The following MEI4 variants were observed in gnomAD, a reference collection of about 807,000 sequenced individuals.
The protein encoded by MEI4 is meiosis-specific protein MEI4.
MEI4 carries 27 observed loss-of-function variants against 31.4 expected under a neutral mutation model. The observed-to-expected ratio is 0.86, with a 90% CI of 0.63 to 1.19. MEI4 has a LOEUF of 1.19. Among genes scored for constraint, MEI4 ranks in the 50% most tolerant of loss-of-function variants. The probability of loss-of-function intolerance (pLI) is 0.00; values close to 1 mark genes in which losing one functional copy is unlikely to be tolerated. For synonymous variants in MEI4, 122 were observed against 145.4 expected, an observed-to-expected ratio of 0.84 and a Z score of 1.16; for missense variants, 329 against 398.9, an observed-to-expected ratio of 0.82 and a Z score of 1.49.
At chr6:77,780,811 G>A (rs1476188823) in intron 3 of MEI4, among the ~76,000 whole-genome samples, 1 of 151,972 alleles carries the variant, frequency 6.6e-6, no homozygotes, top group African/African-American at 2.4e-5. Flanking sequence ...AGTATCTAAT[G>A]TCTCTTCTGT....
At chr6:77,811,603 C>T (rs567834870) in intron 3 of MEI4, among the ~76,000 whole-genome samples, 5 of 151,984 alleles carry the variant, frequency 3.3e-5, no homozygotes, top group East Asian at 1.9e-4. Flanking sequence ...GGTGAAACCC[C>T]GTCTCTACTA....
chr6:77,716,220 A>G (rs1476709742), intron 2 of MEI4, among the ~76,000 whole-genome samples: 1 of 152,228 alleles, frequency 6.6e-6, no homozygotes, highest in Non-Finnish European at 1.5e-5. Context: ...GGGGAATCAG[A>G]TCAGATATAG....
chr6:77,883,599 C>T (rs930298896), intron 4 of MEI4, among the ~76,000 whole-genome samples: 1 of 151,440 alleles, frequency 6.6e-6, no homozygotes, highest in Admixed American at 6.6e-5. Context: ...CCTTCAGTTC[C>T]ATCTGCAGAT....
At chr6:77,861,530 C>G (rs1770866997) in intron 4 of MEI4, among the ~76,000 whole-genome samples, 1 of 152,090 alleles carries the variant, frequency 6.6e-6, no homozygotes. Context: ...TTTAAACTTC[C>G]ATGCCACAGA....
intron 3 of MEI4, among the ~76,000 whole-genome samples, chr6:77,810,035 G>C (rs1485255123): frequency 6.6e-6 from 1 of 152,092 alleles, no homozygotes; most frequent in African/African-American, 2.4e-5. Context: ...TCAAGTATGA[G>C]ACCTATGTTG....
intron 3 of MEI4, among the ~76,000 whole-genome samples, chr6:77,762,466 C>A (rs1367351353): frequency 6.6e-6 from 1 of 151,964 alleles, no homozygotes; most frequent in Non-Finnish European, 1.5e-5. Context: ...ACATTTTAAT[C>A]CTCTTTATTT....
At chr6:77,731,651 T>A (rs940236235) in intron 2 of MEI4, among the ~76,000 whole-genome samples, 59 of 151,462 alleles carry the variant, frequency 3.9e-4, no homozygotes, top group Non-Finnish European at 2.9e-4. Flanking sequence ...CATTTGTCAA[T>A]TTTGGCTTTT....
At chr6:77,794,045 G>T (rs1383828437) in intron 3 of MEI4, among the ~76,000 whole-genome samples, 1 of 152,148 alleles carries the variant, frequency 6.6e-6, no homozygotes, top group Non-Finnish European at 1.5e-5. Context: ...CCACATGGCT[G>T]CCTACAAGGA....
At chr6:77,734,770 T>A (rs79532876) in intron 2 of MEI4, among the ~76,000 whole-genome samples, 29,879 of 151,864 alleles carry the variant, frequency 0.2, 3,276 homozygotes, top group African/African-American at 0.27. Flanking sequence ...CAGTGGCTGT[T>A]ACTGGTTGTT....
At chr6:77,881,800 G>A (rs1051558634) in intron 4 of MEI4, among the ~76,000 whole-genome samples, 18 of 152,194 alleles carry the variant, frequency 1.2e-4, no homozygotes, top group Admixed American at 9.8e-4. Context: ...TAATGAAAGT[G>A]TGAAATATAA....
At chr6:77,777,602 A>G (rs1224431445) in intron 3 of MEI4, among the ~76,000 whole-genome samples, 2 of 152,220 alleles carry the variant, frequency 1.3e-5, no homozygotes, top group Non-Finnish European at 2.9e-5. Flanking sequence ...AAATCATCCT[A>G]CACTAAAGCT....
chr6:77,833,197 A>G lies in MEI4; in HGVS notation c.900+4135A>G, dbSNP rs77156675. 1.5e-4 allele frequency among the ~76,000 whole-genome samples: 22 copies of G among 151,678 alleles called. No individual in the cohort carries two copies. The East Asian group carries it at 4.3e-3, about 29-fold the overall frequency. On this transcript the variant is annotated intron_variant, in intron 4 of 4. Coordinates refer to ENST00000684080, the MANE Select transcript of MEI4 (RefSeq NM_001322247.2). ...ATGATTATTGTATATTCACCATCTT[A>G]TGACATAATCACCGTGGTTTTCTAT...
rs561016563 is a variant in MEI4, at chr6:77,912,352, A to C, written c.901-10737A>C. ...GTGAATTTTAGGATTGTTTCTATTT[A>C]TACGAAAAATGATATTGGTATTTTA... On this transcript the variant is annotated intron_variant, in intron 4 of 4. Transcript: ENST00000684080. Among the ~76,000 whole-genome samples the C allele has an allele frequency of 1.2e-3, 186 of 152,102 alleles. 1 individual carries two copies. The highest frequency in any genetic ancestry group is 4.1e-3 in the African/African-American group (172 of 41,528).
At chr6:77,841,214 TATAAA>T (rs1003311238) in intron 4 of MEI4, among the ~76,000 whole-genome samples, 3 of 150,234 alleles carry the variant, frequency 2.0e-5, no homozygotes, top group African/African-American at 7.3e-5. Context: ...ATAACTAAAA[TATAAA>T]GTTATTAGGA....
chr6:77,903,150 T>C (rs974651316), intron 4 of MEI4, among the ~76,000 whole-genome samples: 2 of 152,120 alleles, frequency 1.3e-5, no homozygotes, highest in African/African-American at 4.8e-5. Context: ...CTTTTTTTCT[T>C]TCTTTTTTTT....
chr6:77,690,404 A>G (rs1472582723), intron 1 of MEI4, among the ~76,000 whole-genome samples: 1 of 152,002 alleles, frequency 6.6e-6, no homozygotes, highest in African/African-American at 2.4e-5. Flanking sequence ...TGTTTTTTCC[A>G]TCCCAAGAAG....
intron 3 of MEI4, among the ~76,000 whole-genome samples, chr6:77,795,205 T>A (rs1440823138): frequency 6.6e-6 from 1 of 151,940 alleles, no homozygotes; most frequent in African/African-American, 2.4e-5. Flanking sequence ...ATGAAGGAAA[T>A]AATAATGATT....
chr6:77,804,194 G>A (rs922375595), intron 3 of MEI4, among the ~76,000 whole-genome samples: 1 of 152,108 alleles, frequency 6.6e-6, no homozygotes, highest in African/African-American at 2.4e-5. Context: ...CCCCAGCCTC[G>A]CTACCGCCTT....
intron 1 of MEI4, among the ~76,000 whole-genome samples, chr6:77,658,126 G>A (rs1181858225): frequency 6.6e-6 from 1 of 152,208 alleles, no homozygotes; most frequent in Admixed American, 6.5e-5. Context: ...GAGAGTCAGC[G>A]AAGGGTGGTG....
Sources: allele counts gnomAD v4.1 joint callset (sites outside exome capture counted in the v4.1 genomes callset), GRCh38; gene constraint gnomAD v4.1.1; transcripts MANE v1.5; gene names NCBI Gene and HGNC (gene_info 2026-07-23, HGNC 2026-07-21).